The following TASP1 variants were observed in gnomAD, a reference collection of about 807,000 sequenced individuals.
TASP1 encodes taspase 1.
A neutral mutation model predicts 56.6 loss-of-function variants in TASP1; 16 were observed. The ratio of observed to expected loss-of-function variants is 0.28; its 90% CI spans 0.19 to 0.43. TASP1 has a LOEUF of 0.43. TASP1 is among the 20% of genes least tolerant of loss of function. The probability of loss-of-function intolerance (pLI) is 1.00; values close to 1 mark genes in which losing one functional copy is unlikely to be tolerated. For missense variants in TASP1, 393 were observed against 511.6 expected (o/e 0.77, Z 2.24); for synonymous variants, 179 against 184.2 (o/e 0.97, Z 0.23).
the TASP1 span, chr20:13,126,556 T>A: frequency 1.9e-6 from 3 of 1,610,760 alleles, no homozygotes; most frequent in Non-Finnish European, 2.5e-6. Flanking sequence ...TGAGATTTAT[T>A]TGCCTTCTTT....
In TASP1 at chr20:13,519,863, C is replaced by T. The variant is rs193212904; in HGVS notation, c.874+8570G>A. On this transcript the variant is annotated intron_variant, in intron 10 of 13. Transcript: ENST00000337743. ...GTTTGCAGATGACATGATTGTATATCTAGAAAACCTCATTGTCTCAGCCCA... is the reference window on the plus strand; with the variant it reads ...GTTTGCAGATGACATGATTGTATATTTAGAAAACCTCATTGTCTCAGCCCA... 2.8e-3 allele frequency among the ~76,000 whole-genome samples: 434 copies of T among 152,300 alleles called. 1 individual carries two copies. Among genetic ancestry groups the T allele is most frequent in the Non-Finnish European group, 4.4e-3 (299 of 68,024 alleles).
chr20:13,306,978 A>C, the TASP1 span, among the ~76,000 whole-genome samples: 1 of 152,144 alleles, frequency 6.6e-6, no homozygotes, highest in African/African-American at 2.4e-5. Context: ...AAAAGACCAC[A>C]TTTGAATCCC....
At chr20:13,117,605 G>A in the TASP1 span, 5 of 1,613,966 alleles carry the variant, frequency 3.1e-6, no homozygotes, top group Admixed American at 5.0e-5. Flanking sequence ...TTGGGGCCGT[G>A]GGCCCAACCG....
chr20:13,521,891 G>A (rs1208146120), intron 10 of TASP1, among the ~76,000 whole-genome samples: 5 of 152,050 alleles, frequency 3.3e-5, no homozygotes, highest in Non-Finnish European at 5.9e-5. Context: ...AAACATGAAA[G>A]GGAGACAGGA....
intron 11 of TASP1, among the ~76,000 whole-genome samples, chr20:13,457,970 T>A (rs191721046): frequency 2.8e-4 from 42 of 152,312 alleles, no homozygotes; most frequent in Admixed American, 2.0e-3. Context: ...TTCATTTTTT[T>A]AAAAATCTAA....
chr20:13,481,912 T>G (rs2043153210), intron 11 of TASP1, among the ~76,000 whole-genome samples: 1 of 152,150 alleles, frequency 6.6e-6, no homozygotes. Flanking sequence ...ATGGAGAAGC[T>G]TTTTAACTTG....
intron 4 of TASP1, among the ~76,000 whole-genome samples, chr20:13,620,029 A>T (rs558534142): frequency 6.6e-6 from 1 of 152,182 alleles, no homozygotes; most frequent in Non-Finnish European, 1.5e-5. Context: ...CTCTAAAGGA[A>T]GAAGGTGGTC....
chr20:13,602,690 C>T (rs920581702), intron 4 of TASP1, among the ~76,000 whole-genome samples: 2 of 152,008 alleles, frequency 1.3e-5, no homozygotes, highest in African/African-American at 4.8e-5. Context: ...AACCTAGATC[C>T]CTCACATGTG....
intron 12 of TASP1, among the ~76,000 whole-genome samples, chr20:13,427,095 A>G (rs927646001): frequency 3.3e-5 from 5 of 152,238 alleles, no homozygotes; most frequent in African/African-American, 1.2e-4. Context: ...GGCATGTGCC[A>G]TGTAATGGAA....
intron 4 of TASP1, among the ~76,000 whole-genome samples, chr20:13,601,782 T>A (rs969565270): frequency 1.3e-5 from 2 of 151,244 alleles, no homozygotes; most frequent in African/African-American, 4.9e-5. Flanking sequence ...CGATAAGTCA[T>A]GGTCATAATA....
chr20:13,533,079 G>T (rs1333146761), intron 9 of TASP1, among the ~76,000 whole-genome samples: 1 of 152,088 alleles, frequency 6.6e-6, no homozygotes, highest in African/African-American at 2.4e-5. Context: ...CACCACTTTG[G>T]GGTGTGCAGT....
rs2041231070 is a variant in TASP1 at position 13,390,464 on chromosome 20, G to A, written c.1171-12C>T. 1 of 1,612,294 alleles carries A rather than the reference G, an allele frequency of 6.2e-7. No homozygotes were observed. Among genetic ancestry groups the A allele is most frequent in the African/African-American group, 1.3e-5 (1 of 74,998 alleles). ...CTTGAAATGTGAGTCTGCAGAGAGA[G>A]AGAGACAGCAGAGCATCAGAGGGGT... On this transcript the variant is annotated splice_polypyrimidine_tract_variant and intron_variant, in intron 13 of 13. Coordinates refer to ENST00000337743, the MANE Select transcript of TASP1 (RefSeq NM_017714.3).
chr20:13,272,254 G>T, the TASP1 span, among the ~76,000 whole-genome samples: 163 of 152,292 alleles, frequency 1.1e-3, no homozygotes, highest in African/African-American at 3.7e-3. Flanking sequence ...AACACCCTCT[G>T]CATGATACGG....
At chr20:13,434,994 T>C in intron 12 of TASP1, 50 bp downstream of exon 12, 1 of 1,387,906 alleles carries the variant, frequency 7.2e-7, no homozygotes, top group South Asian at 1.3e-5. Context: ...TTTCATTTTT[T>C]CTTGGAAAAA....
At chr20:13,429,605 G>GGTGTGTGTGA (rs1405432333) in intron 12 of TASP1, among the ~76,000 whole-genome samples, 3 of 151,076 alleles carry the variant, frequency 2.0e-5, no homozygotes, top group South Asian at 4.2e-4. Flanking sequence ...ACCAGCACAG[G>GGTGTGTGTGA]GTGTGTGTGA....
chr20:13,105,173 AG>A, the TASP1 span, among the ~76,000 whole-genome samples: 1 of 152,144 alleles, frequency 6.6e-6, no homozygotes, highest in Non-Finnish European at 1.5e-5. Context: ...CCAGGGGCTA[AG>A]GTGGGGCCAG....
At chr20:13,472,697 A>G (rs1474991236) in intron 11 of TASP1, among the ~76,000 whole-genome samples, 1 of 151,272 alleles carries the variant, frequency 6.6e-6, no homozygotes. Flanking sequence ...CAGTTTTCAA[A>G]AGAAGACGTT....
chr20:13,429,080 C>T (rs2042713425), intron 12 of TASP1, among the ~76,000 whole-genome samples: 1 of 152,168 alleles, frequency 6.6e-6, no homozygotes, highest in Admixed American at 6.5e-5. Flanking sequence ...GTCACTGGAG[C>T]TCAAAGACCT....
the TASP1 span, among the ~76,000 whole-genome samples, chr20:13,148,065 G>A: frequency 6.6e-6 from 1 of 152,206 alleles, no homozygotes; most frequent in Admixed American, 6.5e-5. Flanking sequence ...TAACAGAGAA[G>A]AAATTTTCCT....
Sources: allele counts gnomAD v4.1 joint callset (sites outside exome capture counted in the v4.1 genomes callset), GRCh38; gene constraint gnomAD v4.1.1; transcripts MANE v1.5; gene names NCBI Gene and HGNC (gene_info 2026-07-23, HGNC 2026-07-21).